Variants in MYO16 observed in about 807,000 individuals in gnomAD.
MYO16 encodes myosin XVI.
Under a neutral mutation model 205.3 loss-of-function variants are expected in MYO16, and 94 were observed. That is an observed-to-expected ratio of 0.46 (90% CI 0.39 to 0.54). The LOEUF (loss-of-function observed/expected upper bound fraction) is 0.54, where lower values mean the gene tolerates loss of function less well. Among genes scored for constraint, MYO16 ranks in the 20% least tolerant of loss-of-function variants. The pLI, the probability that MYO16 is intolerant of heterozygous loss-of-function variation, is 0.00. For synonymous variants in MYO16, 988 were observed against 954.0 expected, an observed-to-expected ratio of 1.04 and a Z score of -0.66; for missense variants, 2,315 against 2,387.5, an observed-to-expected ratio of 0.97 and a Z score of 0.63.
At chr13:108,680,913 A>G (rs1287609025) in intron 2 of MYO16, among the ~76,000 whole-genome samples, 1 of 152,166 alleles carries the variant, frequency 6.6e-6, no homozygotes, top group Non-Finnish European at 1.5e-5. Context: ...ACTTTATTAA[A>G]ATCTCAATGG....
chr13:109,164,595 A>G (rs538107349), intron 32 of MYO16, among the ~76,000 whole-genome samples: 22 of 152,330 alleles, frequency 1.4e-4, no homozygotes, highest in African/African-American at 4.8e-4. Flanking sequence ...ACATGAACTC[A>G]TTGCTTTCTC....
intron 20 of MYO16, among the ~76,000 whole-genome samples, chr13:108,973,184 T>G (rs1036393998): frequency 4.6e-5 from 7 of 151,910 alleles, no homozygotes; most frequent in African/African-American, 1.7e-4. Flanking sequence ...CGAAACTGAT[T>G]ATGGAGGGAA....
Position 108,884,134 on chromosome 13 carries a change from A to G in MYO16, c.1553+948A>G, listed in dbSNP as rs77610704. Among the ~76,000 whole-genome samples, 953 of 152,328 alleles carry G rather than the reference A, an allele frequency of 6.3e-3. 14 individuals carry two copies. Among genetic ancestry groups the G allele is most frequent in the African/African-American group, 0.022 (898 of 41,562 alleles). On this transcript the variant is annotated intron_variant, in intron 13 of 34. Coordinates refer to ENST00000457511, the MANE Select transcript of MYO16 (RefSeq NM_001198950.3). ...AGTGCTGGTTGGAACTCAACGGATA[A>G]GTACAGTAGCACACAACTCGAGTCA...
intron 4 of MYO16, among the ~76,000 whole-genome samples, chr13:108,767,248 G>A (rs886426445): frequency 1.3e-5 from 2 of 152,004 alleles, no homozygotes; most frequent in South Asian, 2.1e-4. Flanking sequence ...GACTACAGGC[G>A]CCCGCCACCA....
In MYO16 at chr13:109,020,044, G is replaced by A. The variant is rs568451550; in HGVS notation, c.2796+133G>A. 251 of 839,424 alleles carry A rather than the reference G, an allele frequency of 3.0e-4. No homozygotes were observed. In the African/African-American group the frequency reaches 3.8e-3, roughly 13 times the overall value. The allele number at this position is 839,424 out of a possible 1,614,324, so 52.0% of individuals were successfully genotyped here. ...AAGCTGGATGAACAACCCACAACAT[G>A]TACTTTTCTAAGTGATTTTCTTTTA... On this transcript the variant is annotated intron_variant, in intron 23 of 34. Coordinates refer to ENST00000457511, the MANE Select transcript of MYO16 (RefSeq NM_001198950.3).
the MYO16 span, among the ~76,000 whole-genome samples, chr13:108,554,848 TAAAAAAAAAAA>T: frequency 1.3e-5 from 1 of 77,968 alleles, no homozygotes; most frequent in East Asian, 4.7e-4. Context: ...AGACTCTGAC[TAAAAAAAAAAA>T]AAAAAAAAAA....
At chr13:109,041,468 T>C (rs1594494981) in intron 23 of MYO16, among the ~76,000 whole-genome samples, 3 of 152,218 alleles carry the variant, frequency 2.0e-5, no homozygotes, top group African/African-American at 7.2e-5. Context: ...ACCTTCTCCA[T>C]TTAACGTCCT....
At chr13:108,668,471 A>G (rs1327116969) in intron 2 of MYO16, among the ~76,000 whole-genome samples, 1 of 152,208 alleles carries the variant, frequency 6.6e-6, no homozygotes, top group Non-Finnish European at 1.5e-5. Flanking sequence ...CAAACAGCGT[A>G]AGTATTACCT....
chr13:109,127,315 C>T lies in MYO16; in HGVS notation c.3816C>T (p.His1272=), dbSNP rs1876301568. The change falls in exon 31 of 35, where the codon CAC becomes CAT. Residue 1272 remains histidine, a synonymous_variant. Coordinates refer to ENST00000457511, the MANE Select transcript of MYO16 (RefSeq NM_001198950.3). This position sits in a 1 kb window ranked among gnomAD's most constrained non-coding sequence, Gnocchi z 4.2. ...ACAAGAGTGGACCCAGGCATTTCCA[C>T]CCCAGCTCCATGTCAGTCTGCGCGG... is the stretch of plus-strand genomic sequence containing the variant. ...TDDKSGPRHF[H]PSSMSVCAAV... is the part of the protein sequence containing the mutation. 7 of 1,603,472 alleles carry T rather than the reference C, an allele frequency of 4.4e-6. No homozygotes were observed. The highest frequency in any genetic ancestry group is 5.1e-6 in the Non-Finnish European group (6 of 1,172,046).
At chr13:108,725,412 A>G (rs1024445051) in intron 3 of MYO16, among the ~76,000 whole-genome samples, 1 of 151,598 alleles carries the variant, frequency 6.6e-6, no homozygotes, top group Non-Finnish European at 1.5e-5. Flanking sequence ...ATAATCCTGA[A>G]CTCTTTGGGG....
chr13:109,009,907 G>T (rs1246975132), intron 22 of MYO16, among the ~76,000 whole-genome samples: 1 of 152,078 alleles, frequency 6.6e-6, no homozygotes, highest in African/African-American at 2.4e-5. Flanking sequence ...ATTATTTAAG[G>T]TTTAAAAATG....
chr13:108,510,174 T>C, the MYO16 span, among the ~76,000 whole-genome samples: 2 of 152,100 alleles, frequency 1.3e-5, no homozygotes, highest in African/African-American at 4.8e-5. Context: ...TGGAGTGCAA[T>C]GGCGCTATCT....
At position 108,838,814 on chromosome 13, in the gene MYO16, G is replaced by A. The variant is rs370393434; in HGVS notation, c.1098-5529G>A. On this transcript the variant is annotated intron_variant, in intron 9 of 34. Transcript: ENST00000457511. The stretch of plus-strand genomic sequence containing the variant: ...CACCATAACAACTATTTTAAAATAC[G>A]TGAAGGGGTTTTATTTCAAAGAAGC... Among the ~76,000 whole-genome samples, 104 of 147,548 alleles carry A rather than the reference G, an allele frequency of 7.0e-4. 1 individual carries two copies. Among genetic ancestry groups the A allele is most frequent in the Middle Eastern group, 3.6e-3 (1 of 274 alleles).
intron 10 of MYO16, among the ~76,000 whole-genome samples, chr13:108,847,671 T>C (rs915438467): frequency 2.0e-5 from 3 of 152,186 alleles, no homozygotes; most frequent in Admixed American, 6.5e-5. Flanking sequence ...AAAGGCTTGA[T>C]TTGACATTTT....
chr13:108,702,737 C>T (rs983593816), intron 2 of MYO16, among the ~76,000 whole-genome samples: 8 of 151,956 alleles, frequency 5.3e-5, no homozygotes, highest in African/African-American at 1.9e-4. Flanking sequence ...AATGAGCACA[C>T]AATGCATAAA....
chr13:108,763,786 G>GT (rs1465573166), intron 4 of MYO16, among the ~76,000 whole-genome samples: 44 of 99,024 alleles, frequency 4.4e-4, no homozygotes, highest in African/African-American at 2.0e-3. Flanking sequence ...GAGAAAAGGA[G>GT]TTGTGTGTGT....
the MYO16 span, among the ~76,000 whole-genome samples, chr13:108,510,425 A>ATTTTTTTTTTTTTTTTTTT: frequency 6.3e-4 from 61 of 97,066 alleles, 1 homozygote; most frequent in East Asian, 1.8e-3. Context: ...TAGATAGTTA[A>ATTTTTTTTTTTTTTTTTTT]TTTTTTTTTT....
chr13:108,770,826 G>A (rs1885937280), intron 4 of MYO16, among the ~76,000 whole-genome samples: 1 of 152,122 alleles, frequency 6.6e-6, no homozygotes, highest in African/African-American at 2.4e-5. Context: ...ATTCGAATGT[G>A]GTGAGATCAG....
At chr13:108,717,480 A>G (rs1382103938) in intron 3 of MYO16, among the ~76,000 whole-genome samples, 2 of 151,882 alleles carry the variant, frequency 1.3e-5, no homozygotes, top group Non-Finnish European at 2.9e-5. Context: ...AATACAAAAA[A>G]TTAGCCGGGC....
Sources: allele counts gnomAD v4.1 joint callset (sites outside exome capture counted in the v4.1 genomes callset), GRCh38; gene constraint gnomAD v4.1.1; non-coding constraint Gnocchi (gnomAD v3.1); transcripts MANE v1.5; gene names NCBI Gene and HGNC (gene_info 2026-07-23, HGNC 2026-07-21).